FRY: variants seen among roughly 807,000 people sequenced by gnomAD.
FRY encodes protein furry homolog.
A neutral mutation model predicts 348.4 loss-of-function variants in FRY; 128 were observed. The ratio of observed to expected loss-of-function variants is 0.37; its 90% CI spans 0.32 to 0.43. FRY has a LOEUF of 0.43. Ranked by LOEUF, FRY falls within the 20% of genes least tolerant of loss-of-function variation. The pLI is 1.00. For synonymous variants in FRY, 1,370 were observed against 1,374.7 expected (o/e 1.00, Z 0.08); for missense variants, 2,736 against 3,695.2 (o/e 0.74, Z 6.73).
In FRY at chr13:32,131,768, A is replaced by G; in HGVS notation, c.813A>G (p.Ile271Met). 6.2e-7 allele frequency: 1 copy of G among 1,613,468 alleles called. No homozygotes were observed. The highest frequency in any genetic ancestry group is 8.5e-7 in the Non-Finnish European group (1 of 1,179,332). The change falls in exon 8 of 61, where the codon ATA becomes ATG. Residue 271 changes from isoleucine (I) to methionine (M), a missense_variant. Physicochemically the swap from Ile to Met is conservative, Grantham distance 10 (BLOSUM62 1). Transcript: ENST00000542859. ...TGGTTCAAAGCATTATCAGCTTAATAATGGGCATGAAATTCTTTCGAATTA... is the reference window on the plus strand; with the variant it reads ...TGGTTCAAAGCATTATCAGCTTAATGATGGGCATGAAATTCTTTCGAATTA... ...PYVVQSIISL[I>M]MGMKFFRIKM...
intron 1 of FRY, among the ~76,000 whole-genome samples, chr13:32,069,887 C>T (rs540888617): frequency 9.9e-4 from 150 of 151,144 alleles, no homozygotes; most frequent in Middle Eastern, 3.4e-3. Flanking sequence ...CAAGAGGCCC[C>T]GGTGTGTGAT....
At chr13:32,241,157 T>C (rs1886478460) in intron 46 of FRY, among the ~76,000 whole-genome samples, 2 of 152,180 alleles carry the variant, frequency 1.3e-5, no homozygotes, top group African/African-American at 2.4e-5. Context: ...AGCACAGAAG[T>C]AGTACTGAGA....
chr13:32,133,519 G>A (rs1040460712), intron 8 of FRY, among the ~76,000 whole-genome samples: 1 of 152,056 alleles, frequency 6.6e-6, no homozygotes, highest in African/African-American at 2.4e-5. Context: ...AAATAATGTA[G>A]CAAAAGAATG....
intron 1 of FRY, among the ~76,000 whole-genome samples, chr13:32,047,585 G>GA (rs892961503): frequency 3.4e-5 from 5 of 148,838 alleles, no homozygotes; most frequent in East Asian, 2.0e-4. Context: ...TTTTTTTGGG[G>GA]GGGGTGCAGA....
chr13:32,264,872 A>G (rs1344347273), intron 53 of FRY, among the ~76,000 whole-genome samples: 1 of 152,198 alleles, frequency 6.6e-6, no homozygotes, highest in Non-Finnish European at 1.5e-5. Flanking sequence ...AGGACTCTGG[A>G]TCACTCGTGC....
Position 32,264,822 on chromosome 13 carries a change from C to T in FRY, c.7780-628C>T, listed in dbSNP as rs9595228. On this transcript the variant is annotated intron_variant, in intron 53 of 60. Transcript: ENST00000542859. ...ACATGCAAATGGATCTTAGAGGATC[C>T]CCTATATGGAAAGACCGAGCAACCC... is the stretch of plus-strand genomic sequence containing the variant. 7.7e-3 allele frequency among the ~76,000 whole-genome samples: 1,166 copies of T among 152,244 alleles called. 6 individuals carry two copies. The highest frequency in any genetic ancestry group is 0.013 in the Non-Finnish European group (890 of 68,014).
At chr13:32,187,686 G>T (rs1233568887) in intron 28 of FRY, 30 bp downstream of exon 28, 2 of 1,207,362 alleles carry the variant, frequency 1.7e-6, no homozygotes, top group East Asian at 4.7e-5. Flanking sequence ...CATTGTTTTT[G>T]AATGTCTTCT....
intron 27 of FRY, among the ~76,000 whole-genome samples, chr13:32,187,131 C>G (rs1165546599): frequency 6.6e-6 from 1 of 151,958 alleles, no homozygotes; most frequent in Non-Finnish European, 1.5e-5. Context: ...TTTATACTGT[C>G]TCAGTTCAAT....
chr13:32,127,874 T>C (rs1160424197), intron 7 of FRY, among the ~76,000 whole-genome samples: 1 of 152,226 alleles, frequency 6.6e-6, no homozygotes, highest in Non-Finnish European at 1.5e-5. Flanking sequence ...TAGTGAATTA[T>C]GCAAATAACT....
chr13:32,221,540 G>A (rs1265355251), intron 36 of FRY, among the ~76,000 whole-genome samples: 1 of 152,118 alleles, frequency 6.6e-6, no homozygotes, highest in African/African-American at 2.4e-5. Context: ...TTGAGACAGG[G>A]TCTCACCCAT....
chr13:32,210,049 GAC>G (rs556524706), intron 33 of FRY, among the ~76,000 whole-genome samples: 74 of 152,282 alleles, frequency 4.9e-4, no homozygotes, highest in African/African-American at 1.7e-3. Context: ...CTATGTAAGA[GAC>G]ACTAAGTAAA....
chr13:32,282,897 C>T (rs757967475), intron 58 of FRY, among the ~76,000 whole-genome samples: 2 of 152,108 alleles, frequency 1.3e-5, no homozygotes, highest in Non-Finnish European at 2.9e-5. Flanking sequence ...AATCCCAGCA[C>T]TTTGGGAGCG....
At chr13:32,082,966 T>G (rs568528060) in intron 2 of FRY, among the ~76,000 whole-genome samples, 1 of 152,262 alleles carries the variant, frequency 6.6e-6, no homozygotes, top group Admixed American at 6.5e-5. Flanking sequence ...CTTCTTAAAT[T>G]GAGGATTTAT....
At chr13:32,159,879 C>A (rs1439387914) in intron 16 of FRY, among the ~76,000 whole-genome samples, 1 of 152,180 alleles carries the variant, frequency 6.6e-6, no homozygotes, top group Non-Finnish European at 1.5e-5. Context: ...CTTTCCTTGG[C>A]TGATTGGAAA....
intron 1 of FRY, among the ~76,000 whole-genome samples, chr13:32,075,032 A>AAAATG (rs1874945388): frequency 1.3e-5 from 2 of 152,214 alleles, no homozygotes; most frequent in Non-Finnish European, 2.9e-5. Flanking sequence ...GCAAACCTGG[A>AAAATG]AAATGGTGCC....
At chr13:32,046,239 A>G (rs1873011230) in intron 1 of FRY, among the ~76,000 whole-genome samples, 1 of 152,230 alleles carries the variant, frequency 6.6e-6, no homozygotes, top group Non-Finnish European at 1.5e-5. Context: ...ATTTCAGTCT[A>G]TGTCTGACTG....
In FRY at chr13:32,210,878, G is replaced by A. The variant is rs1301494683; in HGVS notation, c.4435G>A (p.Ala1479Thr). 6 of 1,613,710 alleles carry A rather than the reference G, an allele frequency of 3.7e-6. No individual in the cohort carries two copies. Among genetic ancestry groups the A allele is most frequent in the Non-Finnish European group, 4.2e-6 (5 of 1,179,786 alleles). ...TTTTCCTTCTCAGATTAAAAAAGTG[G>A]CAATATACTTGTGCCGTAACAACAC... Reference protein sequence around the residue: ...TVLLPYIKKVAIYLCRNNTIQ... With the variant: ...TVLLPYIKKVTIYLCRNNTIQ... Residue 1479 changes from alanine to threonine, a missense_variant, in exon 34 of 61, where the codon GCA (alanine) becomes ACA (threonine). Coordinates refer to ENST00000542859, the MANE Select transcript of FRY (RefSeq NM_023037.3).
rs1436604397 is a variant in FRY at position 32,148,034 on chromosome 13, G to A, written c.1392+87G>A. ...CTTATGAAGTACTAAAAGACGGAAA[G>A]TCTAAATTAGCATCTTACGTGTTTA... On this transcript the variant is annotated intron_variant, in intron 13 of 60. Coordinates refer to ENST00000542859, the MANE Select transcript of FRY (RefSeq NM_023037.3). 5 of 808,180 alleles carry A rather than the reference G, an allele frequency of 6.2e-6. No homozygotes were observed. In the Admixed American group the frequency reaches 8.7e-5, roughly 14 times the overall value. The allele number at this position is 808,180 out of a possible 1,614,324, so 50.1% of individuals were successfully genotyped here.
chr13:32,092,110 AC>A (rs1876353292), intron 2 of FRY, among the ~76,000 whole-genome samples: 1 of 152,238 alleles, frequency 6.6e-6, no homozygotes, highest in Non-Finnish European at 1.5e-5. Context: ...ATGTAACAAA[AC>A]TGCACTTCTA....
Sources: allele counts gnomAD v4.1 joint callset (sites outside exome capture counted in the v4.1 genomes callset), GRCh38; gene constraint gnomAD v4.1.1; transcripts MANE v1.5; gene names NCBI Gene and HGNC (gene_info 2026-07-23, HGNC 2026-07-21).